Variants in ATXN1 observed in about 807,000 individuals in gnomAD.
The protein encoded by ATXN1 is ataxin 1, also known as ataxin-1.
Under a neutral mutation model 56.4 loss-of-function variants are expected in ATXN1, and 8 were observed. The ratio of observed to expected loss-of-function variants is 0.14; its 90% CI spans 0.08 to 0.26. The LOEUF (loss-of-function observed/expected upper bound fraction) is 0.26, where lower values mean the gene tolerates loss of function less well. Ranked by LOEUF, ATXN1 falls within the 10% of genes least tolerant of loss-of-function variation. The pLI is 1.00. For missense variants in ATXN1, 987 were observed against 1,106.5 expected (o/e 0.89, Z 1.53); for synonymous variants, 514 against 494.6 (o/e 1.04, Z -0.52).
intron 2 of ATXN1, chr6:16,666,905 G>A (rs191859953): frequency 6.6e-6 from 1 of 152,126 alleles, no homozygotes; most frequent in Non-Finnish European, 1.5e-5. Flanking sequence ...TACATGGAAA[G>A]AGATTCAGAA....
intron 2 of ATXN1, among the ~76,000 whole-genome samples, chr6:16,725,424 T>C (rs981231709): frequency 6.6e-6 from 1 of 152,118 alleles, no homozygotes; most frequent in South Asian, 2.1e-4. Flanking sequence ...CTCAACAACA[T>C]GGAAATGACT....
At chr6:16,678,860 A>AC (rs1377581616) in intron 2 of ATXN1, among the ~76,000 whole-genome samples, 2 of 152,010 alleles carry the variant, frequency 1.3e-5, no homozygotes, top group African/African-American at 4.8e-5. Flanking sequence ...ACATGGTGAA[A>AC]CCCCATCTCT....
chr6:16,710,786 C>A (rs1021719093), intron 2 of ATXN1, among the ~76,000 whole-genome samples: 1 of 151,784 alleles, frequency 6.6e-6, no homozygotes, highest in African/African-American at 2.4e-5. Context: ...TGGGGTTTTG[C>A]TATGCTGCCC....
chr6:16,323,581 C>G (rs1029070523), intron 7 of ATXN1, among the ~76,000 whole-genome samples: 4 of 149,270 alleles, frequency 2.7e-5, no homozygotes, highest in African/African-American at 9.8e-5. Context: ...TCTGCAGAGG[C>G]TGCCAGGCCT....
intron 2 of ATXN1, among the ~76,000 whole-genome samples, chr6:16,686,828 T>C (rs1414561647): frequency 6.6e-6 from 1 of 152,206 alleles, no homozygotes; most frequent in African/African-American, 2.4e-5. Flanking sequence ...GAACCTCCTT[T>C]GTGGCCAGGA....
chr6:16,411,125 C>CAAAAAAAAAAAAAAAAAA (rs746717153), intron 6 of ATXN1, among the ~76,000 whole-genome samples: 4 of 80,686 alleles, frequency 5.0e-5, no homozygotes, highest in Admixed American at 1.5e-4. Context: ...ACCTCTGTGT[C>CAAAAAAAAAAAAAAAAAA]AAAAAAAAAA....
intron 7 of ATXN1, among the ~76,000 whole-genome samples, chr6:16,315,075 C>G (rs9464879): frequency 6.6e-6 from 1 of 152,098 alleles, no homozygotes; most frequent in Non-Finnish European, 1.5e-5. Flanking sequence ...AGAACATACA[C>G]GCAAAACGGG....
chr6:16,657,960 G>C (rs957338443), intron 2 of ATXN1, 59 bp from the exon 3 acceptor site: 1 of 152,200 alleles, frequency 6.6e-6, no homozygotes, highest in African/African-American at 2.4e-5. Context: ...CAAGCAGTTA[G>C]TGGATATTCA....
chr6:16,742,699 C>A (rs577463855), intron 2 of ATXN1, among the ~76,000 whole-genome samples: 1 of 152,278 alleles, frequency 6.6e-6, no homozygotes, highest in East Asian at 1.9e-4. Context: ...CATTTACAAC[C>A]CAGAGGAGAT....
At chr6:16,570,936 C>T (rs1372992951) in intron 4 of ATXN1, among the ~76,000 whole-genome samples, 4 of 150,898 alleles carry the variant, frequency 2.7e-5, no homozygotes, top group Admixed American at 1.3e-4. Flanking sequence ...TAATTATGTG[C>T]TTCCTGTGTG....
At chr6:16,657,331 C>T (rs1364235559) in intron 3 of ATXN1, among the ~76,000 whole-genome samples, 8 of 152,138 alleles carry the variant, frequency 5.3e-5, no homozygotes, top group Admixed American at 3.9e-4. Context: ...TGTGATCTGT[C>T]GTTGACTGAA....
chr6:16,364,841 G>A (rs1016439923), intron 6 of ATXN1, among the ~76,000 whole-genome samples: 1 of 152,310 alleles, frequency 6.6e-6, no homozygotes, highest in Middle Eastern at 3.4e-3. Flanking sequence ...TCATGGTGGT[G>A]GGATATGAAG....
chr6:16,532,924 T>C (rs1274971118), intron 4 of ATXN1, among the ~76,000 whole-genome samples: 1 of 152,206 alleles, frequency 6.6e-6, no homozygotes, highest in Non-Finnish European at 1.5e-5. Context: ...TGAACAGATA[T>C]TTGTATACCA....
chr6:16,574,748 A>G (rs774031566), intron 4 of ATXN1, among the ~76,000 whole-genome samples: 11 of 151,988 alleles, frequency 7.2e-5, no homozygotes, highest in Non-Finnish European at 1.3e-4. Context: ...AAAACTAGAA[A>G]GTTAACCTGG....
intron 3 of ATXN1, among the ~76,000 whole-genome samples, chr6:16,644,368 C>T (rs1371943313): frequency 6.6e-6 from 1 of 151,850 alleles, no homozygotes; most frequent in Non-Finnish European, 1.5e-5. Context: ...TACAAAAATT[C>T]CCTGGGCGTG....
intron 4 of ATXN1, among the ~76,000 whole-genome samples, chr6:16,548,786 G>C (rs1761861547): frequency 6.6e-6 from 1 of 151,962 alleles, no homozygotes; most frequent in Non-Finnish European, 1.5e-5. Flanking sequence ...TAGCCGGCGT[G>C]GTGGTGCATG....
At chr6:16,526,949 A>G (rs768508667) in intron 4 of ATXN1, among the ~76,000 whole-genome samples, 2 of 151,884 alleles carry the variant, frequency 1.3e-5, no homozygotes, top group Non-Finnish European at 2.9e-5. Context: ...GATACAGAGG[A>G]AAGTTAACTG....
chr6:16,555,005 C>T (rs1424172636), intron 4 of ATXN1, among the ~76,000 whole-genome samples: 3 of 152,168 alleles, frequency 2.0e-5, no homozygotes, highest in Non-Finnish European at 4.4e-5. Flanking sequence ...AGTGAAACTC[C>T]CCATCTCATA....
At chr6:16,367,292 A>T (rs1761939942) in intron 6 of ATXN1, among the ~76,000 whole-genome samples, 1 of 151,520 alleles carries the variant, frequency 6.6e-6, no homozygotes, top group Non-Finnish European at 1.5e-5. Context: ...TTGCTAAGTT[A>T]TTGTGTTTAT....
Sources: allele counts gnomAD v4.1 joint callset (sites outside exome capture counted in the v4.1 genomes callset), GRCh38; gene constraint gnomAD v4.1.1; transcripts MANE v1.5; gene names NCBI Gene and HGNC (gene_info 2026-07-23, HGNC 2026-07-21).